The following TF variants were observed in gnomAD, a reference collection of about 807,000 sequenced individuals.
TF encodes the protein serotransferrin.
A neutral mutation model predicts 82.4 loss-of-function variants in TF; 55 were observed. The observed-to-expected ratio is 0.67, with a 90% confidence interval of 0.54 to 0.84. TF has a LOEUF of 0.84. Ranked by LOEUF, TF falls within the 40% of genes least tolerant of loss-of-function variation. The pLI, the probability that TF is intolerant of heterozygous loss-of-function variation, is 0.00. For synonymous variants in TF, 332 were observed against 332.6 expected (o/e 1.00, Z 0.02); for missense variants, 737 against 868.4 (o/e 0.85, Z 1.90).
At chr3:133,726,621 T>G in the TF span, among the ~76,000 whole-genome samples, 11 of 151,324 alleles carry the variant, frequency 7.3e-5, no homozygotes, top group African/African-American at 2.7e-4. Context: ...CCTGGATTCA[T>G]TAATTTTTTG....
At chr3:133,776,267 C>T (rs1934387102) in intron 15 of TF, among the ~76,000 whole-genome samples, 3 of 152,288 alleles carry the variant, frequency 2.0e-5, no homozygotes, top group South Asian at 4.1e-4. Context: ...GTCTGAAAAA[C>T]ACAGGACCCT....
chr3:133,680,460 C>T, the TF span, among the ~76,000 whole-genome samples: 1 of 152,186 alleles, frequency 6.6e-6, no homozygotes, highest in Non-Finnish European at 1.5e-5. Context: ...CAGCCTCAAC[C>T]TCCCTAGCAG....
At chr3:133,674,383 G>A in the TF span, among the ~76,000 whole-genome samples, 1 of 152,220 alleles carries the variant, frequency 6.6e-6, no homozygotes, top group Non-Finnish European at 1.5e-5. Flanking sequence ...AGACCCCGGG[G>A]CTGGGAAGGG....
Position 133,779,067 on chromosome 3 carries a change from G to T in TF, c.*447G>T. 1 of 196,600 alleles carries T rather than the reference G, an allele frequency of 5.1e-6. No individual in the cohort carries two copies. The highest frequency in any genetic ancestry group is 9.6e-5 in the South Asian group (1 of 10,464). 12.2% of individuals were successfully genotyped at this position (196,600 alleles called of 1,614,324 possible). On this transcript the variant is annotated 3_prime_UTR_variant, in exon 17 of 17. Coordinates refer to ENST00000402696, the MANE Select transcript of TF (RefSeq NM_001063.4). ...CATGCTAAGGAAGGGGCAAGAAGGAGGATGCAGAGTGAGTTACAGAGATCA... is the reference window on the plus strand; with the variant it reads ...CATGCTAAGGAAGGGGCAAGAAGGATGATGCAGAGTGAGTTACAGAGATCA...
the TF span, among the ~76,000 whole-genome samples, chr3:133,671,497 A>G: frequency 1.3e-5 from 2 of 152,138 alleles, no homozygotes; most frequent in Admixed American, 6.5e-5. Flanking sequence ...AAAAAAGGCA[A>G]GAGAGGCCAG....
the TF span, among the ~76,000 whole-genome samples, chr3:133,708,102 A>C: frequency 1.3e-5 from 2 of 152,234 alleles, no homozygotes; most frequent in Non-Finnish European, 2.9e-5. Flanking sequence ...ACTCATAATT[A>C]CAAACATTTA....
the TF span, among the ~76,000 whole-genome samples, chr3:133,716,157 A>C: frequency 6.6e-6 from 1 of 151,476 alleles, no homozygotes; most frequent in Non-Finnish European, 1.5e-5. Flanking sequence ...CTGTACTTGG[A>C]GTTCTTCTCT....
chr3:133,717,389 T>G, the TF span, among the ~76,000 whole-genome samples: 1 of 152,294 alleles, frequency 6.6e-6, no homozygotes, highest in East Asian at 1.9e-4. Flanking sequence ...CACATGATTT[T>G]TTAATATAAG....
chr3:133,687,124 T>A, the TF span, among the ~76,000 whole-genome samples: 9 of 152,138 alleles, frequency 5.9e-5, no homozygotes, highest in Non-Finnish European at 1.3e-4. Flanking sequence ...ATGTTCTCAC[T>A]CATAGGTGGG....
At chr3:133,738,902 A>G in the TF span, among the ~76,000 whole-genome samples, 3 of 152,242 alleles carry the variant, frequency 2.0e-5, no homozygotes, top group African/African-American at 7.2e-5. Context: ...AGTAATTTAC[A>G]GATTCAATGC....
the TF span, among the ~76,000 whole-genome samples, chr3:133,665,406 G>GT: frequency 2.0e-5 from 3 of 149,760 alleles, no homozygotes; most frequent in Non-Finnish European, 4.4e-5. Context: ...GGTCAAGGCT[G>GT]TGGTGAGTCA....
intron 2 of TF, among the ~76,000 whole-genome samples, chr3:133,748,871 G>A (rs951174205): frequency 6.6e-6 from 1 of 152,064 alleles, no homozygotes; most frequent in Non-Finnish European, 1.5e-5. Flanking sequence ...AAGAATGCCT[G>A]CTATCAGGCT....
rs1392305786 is a variant in TF, at chr3:133,782,259, G to A, written c.*3639G>A. 1 of 152,144 alleles carries A rather than the reference G, an allele frequency of 6.6e-6. No homozygotes were observed. The highest frequency in any genetic ancestry group is 1.5e-5 in the Non-Finnish European group (1 of 68,040). The allele number at this position is 152,144 out of a possible 1,614,324, so 9.4% of individuals were successfully genotyped here. A position where few individuals can be genotyped will look rare whatever the true frequency, so the allele number is the denominator to read the frequency against. On this transcript the variant is annotated 3_prime_UTR_variant, in exon 17 of 17. Coordinates refer to ENST00000402696, the MANE Select transcript of TF (RefSeq NM_001063.4). ...GGTTTCTAAATAAACTGAAAATAGGGCTACATATGACCCAACAATCCCTCT... is the reference window on the plus strand; with the variant it reads ...GGTTTCTAAATAAACTGAAAATAGGACTACATATGACCCAACAATCCCTCT...
chr3:133,739,887 A>C, the TF span, among the ~76,000 whole-genome samples: 1 of 152,212 alleles, frequency 6.6e-6, no homozygotes, highest in Admixed American at 6.5e-5. Context: ...TGTTGGTGGG[A>C]GTGTAAATTA....
chr3:133,664,925 G>A, the TF span: 3 of 152,012 alleles, frequency 2.0e-5, no homozygotes, highest in Admixed American at 2.0e-4. Flanking sequence ...CTGAGGTTTC[G>A]GTGCTTACTT....
the TF span, among the ~76,000 whole-genome samples, chr3:133,724,744 G>C: frequency 6.6e-6 from 1 of 152,184 alleles, no homozygotes; most frequent in Non-Finnish European, 1.5e-5. Context: ...CCTATGTCCT[G>C]AATGGTATTG....
intron 4 of TF, among the ~76,000 whole-genome samples, chr3:133,755,150 C>T (rs1333206861): frequency 6.6e-6 from 1 of 152,248 alleles, no homozygotes; most frequent in East Asian, 1.9e-4. Flanking sequence ...AAGCATAGGC[C>T]TGTTTCCTCT....
the TF span, among the ~76,000 whole-genome samples, chr3:133,736,573 GA>G: frequency 1.7e-5 from 2 of 115,472 alleles, no homozygotes; most frequent in African/African-American, 3.3e-5. Context: ...CACGTGCAAA[GA>G]CACACATAGG....
At chr3:133,741,184 G>T (rs1933382008), upstream of TF, among the ~76,000 whole-genome samples, 1 of 151,602 alleles carries the variant, frequency 6.6e-6, no homozygotes, top group Non-Finnish European at 1.5e-5. Flanking sequence ...TAGAGAAGGG[G>T]TTTTGCTATG....
Sources: gnomAD v4.1 joint callset for allele counts (sites outside exome capture counted in the v4.1 genomes callset) on GRCh38, gnomAD v4.1.1 for gene constraint, MANE v1.5 for transcripts, NCBI Gene and HGNC (gene_info 2026-07-23, HGNC 2026-07-21) for gene names.